CYSLTR2: variants seen among roughly 807,000 people sequenced by gnomAD.
CYSLTR2 encodes cysteinyl leukotriene receptor 2.
For missense variants in CYSLTR2, 398 were observed against 411.9 expected (o/e 0.97, Z 0.29); for synonymous variants, 179 against 160.8 (o/e 1.11, Z -0.86).
intron 1 of CYSLTR2, among the ~76,000 whole-genome samples, chr13:48,678,074 G>C (rs1165162880): frequency 1.3e-5 from 2 of 152,146 alleles, no homozygotes; most frequent in East Asian, 3.8e-4. Context: ...AGGGCAGTGA[G>C]AGCCTCTGAA....
chr13:48,657,357 C>G (rs967148722), intron 1 of CYSLTR2, among the ~76,000 whole-genome samples: 3 of 152,054 alleles, frequency 2.0e-5, no homozygotes, highest in South Asian at 2.1e-4. Context: ...ATTCCAAAGT[C>G]GGAAGGGTCC....
intron 1 of CYSLTR2, among the ~76,000 whole-genome samples, chr13:48,681,605 T>C (rs1328232829): frequency 6.6e-6 from 1 of 152,182 alleles, no homozygotes; most frequent in African/African-American, 2.4e-5. Flanking sequence ...GGACCACCTA[T>C]TACTATTGTT....
chr13:48,675,601 T>G (rs972867239), intron 1 of CYSLTR2, among the ~76,000 whole-genome samples: 17 of 152,090 alleles, frequency 1.1e-4, no homozygotes, highest in African/African-American at 4.1e-4. Flanking sequence ...CATCTGCAAG[T>G]GACCTGCAAG....
rs1028284962 is a variant in CYSLTR2, at chr13:48,682,624, C to G, written c.-265-8588C>G. 2.6e-5 allele frequency among the ~76,000 whole-genome samples: 4 copies of G among 152,162 alleles called. No homozygotes were observed. The East Asian group carries it at 7.7e-4, about 29-fold the overall frequency. On this transcript the variant is annotated intron_variant, in intron 1 of 4. Coordinates refer to ENST00000682523, the MANE Select transcript of CYSLTR2 (RefSeq NM_001308476.3). ...CTCAGAAATAGGTTTGGATGCTTAG[C>G]TCTGCACATGAGAAATTTCATCATA...
chr13:48,668,928 A>C (rs1321245729), intron 1 of CYSLTR2, among the ~76,000 whole-genome samples: 1 of 152,184 alleles, frequency 6.6e-6, no homozygotes, highest in Non-Finnish European at 1.5e-5. Flanking sequence ...CTCCCTGCAA[A>C]GGACATGAAC....
At position 48,707,404 on chromosome 13, in the gene CYSLTR2, C is replaced by T; in HGVS notation, c.587C>T (p.Ala196Val). The T allele has an allele frequency of 6.2e-7, 1 of 1,614,138 alleles. No individual in the cohort carries two copies. Among genetic ancestry groups the T allele is most frequent in the Non-Finnish European group, 8.5e-7 (1 of 1,180,040 alleles). ...TTAGAGCTGAATCTCTATAAAATTG[C>T]TAAGCTGCAGACCATGAACTATATT... ...SCLELNLYKI[A>V]KLQTMNYIAL... Residue 196 changes from alanine (A) to valine (V), a missense_variant, in exon 5 of 5, where the codon GCT becomes GTT. Physicochemically the swap from Ala to Val is moderately conservative, Grantham distance 64. Transcript: ENST00000682523.
chr13:48,672,266 G>A (rs952903508), intron 1 of CYSLTR2, among the ~76,000 whole-genome samples: 3 of 151,916 alleles, frequency 2.0e-5, no homozygotes, highest in African/African-American at 4.8e-5. Context: ...GGTTTTTTGT[G>A]TCTCTATCTC....
In CYSLTR2 at chr13:48,705,806, G is replaced by A. The variant is rs555404010; in HGVS notation, c.-1-1011G>A. On this transcript the variant is annotated intron_variant, in intron 4 of 4. Transcript: ENST00000682523. ...CACATCAGGCAGCATTAATGTTTTT[G>A]TTTCAAAACATTAAATGTAACTTAG... Among the ~76,000 whole-genome samples the A allele has an allele frequency of 2.3e-4, 35 of 151,132 alleles. 1 individual carries two copies. The highest frequency in any genetic ancestry group is 8.0e-4 in the African/African-American group (33 of 41,332).
At chr13:48,673,440 T>A (rs1953502966) in intron 1 of CYSLTR2, among the ~76,000 whole-genome samples, 1 of 138,774 alleles carries the variant, frequency 7.2e-6, no homozygotes, top group Non-Finnish European at 1.5e-5. Flanking sequence ...CGGCTTTTTT[T>A]TTTTTTTTTT....
In CYSLTR2 at chr13:48,705,400, T is replaced by C. The variant is rs977329813; in HGVS notation, c.-1-1417T>C. On this transcript the variant is annotated intron_variant, in intron 4 of 4. Transcript: ENST00000682523. ...TTTTAATTGGTATATTTAGACTACTTATATTTAATGTAATTATTGATGAAT... is the reference window on the plus strand; with the variant it reads ...TTTTAATTGGTATATTTAGACTACTCATATTTAATGTAATTATTGATGAAT... 4.6e-5 allele frequency among the ~76,000 whole-genome samples: 7 copies of C among 152,196 alleles called. No homozygotes were observed. In the East Asian group the frequency reaches 1.3e-3, roughly 29 times the overall value.
At chr13:48,706,769 A>T (rs1306547696) in intron 4 of CYSLTR2, 48 bp from the exon 5 acceptor site, 2 of 1,450,144 alleles carry the variant, frequency 1.4e-6, no homozygotes, top group Non-Finnish European at 1.9e-6. Context: ...AGAAGGAAAA[A>T]GGGAAATTCA....
At chr13:48,659,790 C>T (rs911780232) in intron 1 of CYSLTR2, among the ~76,000 whole-genome samples, 1 of 152,312 alleles carries the variant, frequency 6.6e-6, no homozygotes, top group African/African-American at 2.4e-5. Context: ...TTAGATCAGA[C>T]ATTTGGTGAA....
chr13:48,684,455 T>C (rs1279833733), intron 1 of CYSLTR2, among the ~76,000 whole-genome samples: 1 of 151,740 alleles, frequency 6.6e-6, no homozygotes, highest in Non-Finnish European at 1.5e-5. Context: ...TTACTTTTTA[T>C]ACCTTATGTG....
In CYSLTR2 at chr13:48,709,315, A is replaced by G. The variant is rs1954581693; in HGVS notation, c.*1457A>G. On this transcript the variant is annotated 3_prime_UTR_variant, in exon 5 of 5. Coordinates refer to ENST00000682523, the MANE Select transcript of CYSLTR2 (RefSeq NM_001308476.3). Reference sequence around the variant, plus strand: ...TAGTACAGTAAAGGGTGGAGGTGATATGGCATTCTGAAAGTAGGGAGGGAC... The same window carrying G: ...TAGTACAGTAAAGGGTGGAGGTGATGTGGCATTCTGAAAGTAGGGAGGGAC... 6.0e-6 allele frequency: 1 copy of G among 167,080 alleles called. No homozygotes were observed. Among genetic ancestry groups the G allele is most frequent in the South Asian group, 2.1e-4 (1 of 4,830 alleles). 10.3% of individuals were successfully genotyped at this position (167,080 alleles called of 1,614,324 possible).
At chr13:48,700,624 T>C (rs1362618148) in intron 4 of CYSLTR2, among the ~76,000 whole-genome samples, 2 of 152,190 alleles carry the variant, frequency 1.3e-5, no homozygotes, top group Non-Finnish European at 2.9e-5. Context: ...GGATGCCCTC[T>C]CTCACCACTC....
chr13:48,690,527 A>T lies in CYSLTR2; in HGVS notation c.-265-685A>T, dbSNP rs187904982. 5.9e-5 allele frequency among the ~76,000 whole-genome samples: 9 copies of T among 152,020 alleles called. No individual in the cohort carries two copies. The East Asian group carries it at 1.5e-3, about 26-fold the overall frequency. ...TTAAGATATTCATGTGGTTTTTGTT[A>T]TTGGTTCTGTTTCTGTGATGGATTA... On this transcript the variant is annotated intron_variant, in intron 1 of 4. Transcript: ENST00000682523.
chr13:48,704,328 G>A (rs1251667822), intron 4 of CYSLTR2, among the ~76,000 whole-genome samples: 1 of 152,160 alleles, frequency 6.6e-6, no homozygotes. Context: ...TTCAAGACCA[G>A]CCTGTGCAAC....
chr13:48,673,779 T>C (rs780619651), intron 1 of CYSLTR2, among the ~76,000 whole-genome samples: 1 of 152,202 alleles, frequency 6.6e-6, no homozygotes, highest in Non-Finnish European at 1.5e-5. Context: ...CTTTTCCATA[T>C]TTAGTGCTTC....
chr13:48,656,825 C>T (rs1040299483), intron 1 of CYSLTR2, among the ~76,000 whole-genome samples: 1 of 152,200 alleles, frequency 6.6e-6, no homozygotes, highest in African/African-American at 2.4e-5. Flanking sequence ...TGCAATTACC[C>T]AATGAACTCT....
Sources: allele counts gnomAD v4.1 joint callset (sites outside exome capture counted in the v4.1 genomes callset), GRCh38; gene constraint gnomAD v4.1.1; transcripts MANE v1.5; gene names NCBI Gene and HGNC (gene_info 2026-07-23, HGNC 2026-07-21).